The following CPT2 variants were observed in gnomAD, a reference collection of about 807,000 sequenced individuals.
CPT2 encodes carnitine O-palmitoyltransferase 2, mitochondrial.
A neutral mutation model predicts 48.6 loss-of-function variants in CPT2; 37 were observed. That is an observed-to-expected ratio of 0.76 (90% CI 0.59 to 1.00). The LOEUF (loss-of-function observed/expected upper bound fraction) is 1.00, where lower values mean the gene tolerates loss of function less well. Among genes scored for constraint, CPT2 ranks in the 50% least tolerant of loss-of-function variants. The pLI is 0.00. For synonymous variants in CPT2, 319 were observed against 326.9 expected (o/e 0.98, Z 0.26); for missense variants, 772 against 825.6 (o/e 0.94, Z 0.80).
Position 53,211,278 on chromosome 1 carries a change from G to C in CPT2, c.1604G>C (p.Cys535Ser). The change falls in exon 4 of 5, where the codon TGC becomes TCC. Residue 535 changes from cysteine (C) to serine (S), a missense_variant. Cys to Ser is a moderately radical substitution (Grantham distance 112). Transcript: ENST00000371486. ...AGELQQMMVE[C>S]SKYHGQLTKE... is the part of the protein sequence containing the mutation. ...GAGCTTCAGCAGATGATGGTTGAGT[G>C]CTCCAAGTACCATGGCCAGCTGACC... The C allele has an allele frequency of 1.2e-6, 2 of 1,611,310 alleles. No individual in the cohort carries two copies. Among genetic ancestry groups the C allele is most frequent in the Non-Finnish European group, 1.7e-6 (2 of 1,178,754 alleles).
Position 53,213,496 on chromosome 1 carries a change from T to C in CPT2, c.1878T>C (p.Ser626=), listed in dbSNP as rs761631943. 6 of 1,614,242 alleles carry C rather than the reference T, an allele frequency of 3.7e-6. No homozygotes were observed. The Admixed American group carries it at 1.0e-4, about 27-fold the overall frequency. Residue 626 remains serine, a synonymous_variant, in exon 5 of 5, where the codon TCT becomes TCC. Transcript: ENST00000371486. ...VHDNWIGCNV[S]SYPGRNAREF... The stretch of plus-strand genomic sequence containing the variant: ...ACAACTGGATAGGCTGCAATGTCTC[T>C]TCCTACCCAGGCCGCAATGCCCGGG...
At chr1:53,198,864 A>T (rs564127143) in intron 1 of CPT2, among the ~76,000 whole-genome samples, 1 of 152,250 alleles carries the variant, frequency 6.6e-6, no homozygotes, top group African/African-American at 2.4e-5. Flanking sequence ...GTAAATTGGG[A>T]GTTAGATGAG....
chr1:53,198,122 C>G (rs945732114), intron 1 of CPT2, among the ~76,000 whole-genome samples: 1 of 152,220 alleles, frequency 6.6e-6, no homozygotes, highest in African/African-American at 2.4e-5. Context: ...ACCCTCTAAA[C>G]CAAACCTAAA....
At chr1:53,205,298 G>T (rs149511302) in intron 3 of CPT2, among the ~76,000 whole-genome samples, 2 of 152,300 alleles carry the variant, frequency 1.3e-5, no homozygotes, top group East Asian at 3.9e-4. Flanking sequence ...GTGGCATTTT[G>T]TCCCTGTCCT....
chr1:53,204,598 G>A (rs1645375255), intron 3 of CPT2, among the ~76,000 whole-genome samples: 1 of 152,100 alleles, frequency 6.6e-6, no homozygotes, highest in Non-Finnish European at 1.5e-5. Flanking sequence ...GGATGGGGGT[G>A]AGGCTTGTCA....
intron 1 of CPT2, chr1:53,200,276 T>C (rs1287082908): frequency 1.1e-5 from 2 of 184,978 alleles, no homozygotes; most frequent in African/African-American, 4.8e-5. Context: ...CACTCTTATA[T>C]AATTATTTGT....
Position 53,213,329 on chromosome 1 carries a change from C to T in CPT2, c.1711C>T (p.Pro571Ser), listed in dbSNP as rs1287533399. ...HLAAAKGIIL[P>S]ELYLDPAYGQ... ...GGCAGCAGCCAAAGGGATCATCTTG[C>T]CTGAGCTCTACCTGGACCCTGCATA... Residue 571 changes from proline to serine, a missense_variant, in exon 5 of 5, where the codon CCT becomes TCT. Pro to Ser is a moderately conservative substitution (Grantham distance 74, BLOSUM62 -1). Transcript: ENST00000371486. 6.2e-7 allele frequency: 1 copy of T among 1,614,128 alleles called. No homozygotes were observed. Among genetic ancestry groups the T allele is most frequent in the African/African-American group, 1.3e-5 (1 of 74,948 alleles).
In CPT2 at chr1:53,197,100, G is replaced by T; in HGVS notation, c.152+5G>T. The T allele has an allele frequency of 6.5e-7, 1 of 1,537,930 alleles. No homozygotes were observed. On this transcript the variant is annotated splice_donor_5th_base_variant and intron_variant, in intron 1 of 4. Transcript: ENST00000371486. ...CTACCAGGACAGCCTGCCCAGGTGA[G>T]CCTGGCCTCCGGGTCCCCGCCGCCC...
intron 4 of CPT2, among the ~76,000 whole-genome samples, chr1:53,212,358 G>A (rs374026317): frequency 1.4e-4 from 21 of 152,156 alleles, no homozygotes; most frequent in East Asian, 5.8e-4. Flanking sequence ...CCACCATGCC[G>A]GGCCTAATTT....
In CPT2 at chr1:53,213,612, A is replaced by G. The variant is rs1178288780; in HGVS notation, c.*17A>G. 1 of 1,605,756 alleles carries G rather than the reference A, an allele frequency of 6.2e-7. No homozygotes were observed. The highest frequency in any genetic ancestry group is 1.7e-5 in the Admixed American group (1 of 59,808). ...AAAAGTTAACTTCTGGGCAGATGAA[A>G]AGCTACCATCACTTCCTCATCATGA... On this transcript the variant is annotated 3_prime_UTR_variant, in exon 5 of 5. Coordinates refer to ENST00000371486, the MANE Select transcript of CPT2 (RefSeq NM_000098.3).
chr1:53,213,670 T>C lies in CPT2; in HGVS notation c.*75T>C, dbSNP rs6702020. On this transcript the variant is annotated 3_prime_UTR_variant, in exon 5 of 5. Transcript: ENST00000371486. ...GAGGCCGGGCATGGTGGCTCATGCC[T>C]GTAATCCCAGCATTTTGAGAGGCTG... The C allele has an allele frequency of 8.3e-4, 1,101 of 1,332,518 alleles. 8 individuals carry two copies. The African/African-American group carries it at 0.014, about 17-fold the overall frequency. The allele number at this position is 1,332,518 out of a possible 1,614,324, so 82.5% of individuals were successfully genotyped here. A position where few individuals can be genotyped will look rare whatever the true frequency, so the allele number is the denominator to read the frequency against.
chr1:53,203,786 T>TC (rs896146247), intron 3 of CPT2: 4 of 151,322 alleles, frequency 2.6e-5, no homozygotes, highest in African/African-American at 7.3e-5. Context: ...TTTTTCTTTT[T>TC]TTTTTTTTTT....
At chr1:53,199,996 T>C (rs1168536731) in intron 1 of CPT2, 2 of 152,226 alleles carry the variant, frequency 1.3e-5, no homozygotes, top group African/African-American at 4.8e-5. Flanking sequence ...ATAAAACCAA[T>C]GAATTGAAAG....
intron 2 of CPT2, 59 bp downstream of exon 2, chr1:53,200,858 T>C: frequency 7.4e-7 from 1 of 1,343,470 alleles, no homozygotes; most frequent in East Asian, 2.3e-5. Context: ...GGCTGGCAAG[T>C]AGTGGTGGAC....
At chr1:53,203,029 A>G (rs544626777) in intron 3 of CPT2, 18 of 157,226 alleles carry the variant, frequency 1.1e-4, no homozygotes, top group African/African-American at 4.3e-4. Flanking sequence ...TATATTTACC[A>G]AGGTTATACA....
chr1:53,213,040 C>G (rs1453414967), intron 4 of CPT2: 4 of 602,234 alleles, frequency 6.6e-6, no homozygotes, highest in Non-Finnish European at 1.2e-5. Context: ...CTGTTGACAG[C>G]TATTTTTAAA....
chr1:53,208,577 G>A (rs942700047), intron 3 of CPT2: 9 of 152,210 alleles, frequency 5.9e-5, no homozygotes, highest in Non-Finnish European at 8.8e-5. Context: ...AACAGGGAGT[G>A]TACAAATGTA....
Position 53,202,024 on chromosome 1 carries a change from C to T in CPT2, c.234-299C>T, listed in dbSNP as rs934004463. 9 of 382,266 alleles carry T rather than the reference C, an allele frequency of 2.4e-5. No individual in the cohort carries two copies. In the Admixed American group the frequency reaches 3.1e-4, roughly 13 times the overall value. 23.7% of individuals were successfully genotyped at this position (382,266 alleles called of 1,614,324 possible). A position where few individuals can be genotyped will look rare whatever the true frequency, so the allele number is the denominator to read the frequency against. Reference sequence around the variant, plus strand: ...AAAAGCAACAGAGCTAGGATTCAGACTTAACTTCTGTTGACTCCAGAGCTT... The same window carrying T: ...AAAAGCAACAGAGCTAGGATTCAGATTTAACTTCTGTTGACTCCAGAGCTT... On this transcript the variant is annotated intron_variant, in intron 2 of 4. Coordinates refer to ENST00000371486, the MANE Select transcript of CPT2 (RefSeq NM_000098.3).
Position 53,213,548 on chromosome 1 carries a change from T to G in CPT2, c.1930T>G (p.Leu644Val), listed in dbSNP as rs1458101972. The stretch of plus-strand genomic sequence containing the variant: ...GTTTCTCCAATGTGTGGAGAAGGCC[T>G]TAGAAGACATGTTTGATGCCTTAGA... ...REFLQCVEKA[L>V]EDMFDALEGK... is the part of the protein sequence containing the mutation. The change falls in exon 5 of 5, where the codon TTA becomes GTA. Residue 644 changes from leucine to valine, a missense_variant. By Grantham distance (32) the Leu-to-Val change is conservative. Coordinates refer to ENST00000371486, the MANE Select transcript of CPT2 (RefSeq NM_000098.3). 1 of 1,614,080 alleles carries G rather than the reference T, an allele frequency of 6.2e-7. No individual in the cohort carries two copies. The highest frequency in any genetic ancestry group is 1.3e-5 in the African/African-American group (1 of 74,948).
Sources: allele counts gnomAD v4.1 joint callset (sites outside exome capture counted in the v4.1 genomes callset), GRCh38; gene constraint gnomAD v4.1.1; transcripts MANE v1.5; gene names NCBI Gene and HGNC (gene_info 2026-07-23, HGNC 2026-07-21).